The following SNX29 variants were observed in gnomAD, a reference collection of about 807,000 sequenced individuals.
The protein encoded by SNX29 is sorting nexin 29, also known as sorting nexin-29.
Under a neutral mutation model 102.1 loss-of-function variants are expected in SNX29, and 78 were observed. That is an observed-to-expected ratio of 0.76 (90% CI 0.64 to 0.92). The LOEUF (loss-of-function observed/expected upper bound fraction) is 0.92. SNX29 is among the 40% of genes least tolerant of loss of function. The probability of loss-of-function intolerance (pLI) is 0.00; values close to 1 mark genes in which losing one functional copy is unlikely to be tolerated. For synonymous variants in SNX29, 580 were observed against 414.5 expected (o/e 1.40, Z -4.85); for missense variants, 1,280 against 1,061.7 (o/e 1.21, Z -2.86).
At chr16:12,453,034 G>C (rs1011724418) in intron 18 of SNX29, among the ~76,000 whole-genome samples, 12 of 152,184 alleles carry the variant, frequency 7.9e-5, no homozygotes, top group Non-Finnish European at 1.8e-4. Context: ...ATCCCCAGCA[G>C]TAAGACCTGG....
At chr16:12,290,717 G>A (rs930468733) in intron 15 of SNX29, among the ~76,000 whole-genome samples, 1 of 152,182 alleles carries the variant, frequency 6.6e-6, no homozygotes, top group Admixed American at 6.5e-5. Flanking sequence ...TCCTTTATGG[G>A]TAGCTTGGGA....
chr16:12,362,553 TCCCCCC>T (rs1199911670), intron 16 of SNX29, among the ~76,000 whole-genome samples: 1 of 11,058 alleles, frequency 9.0e-5, no homozygotes, highest in African/African-American at 3.0e-4. Context: ...GCTGCTGCAC[TCCCCCC>T]CCACCCCCCC....
intron 15 of SNX29, among the ~76,000 whole-genome samples, chr16:12,354,088 C>T (rs533023081): frequency 3.3e-5 from 5 of 152,202 alleles, no homozygotes; most frequent in Non-Finnish European, 7.3e-5. Context: ...ATTCTCTCTT[C>T]TGAGGCTCTT....
intron 11 of SNX29, among the ~76,000 whole-genome samples, chr16:12,100,129 G>A (rs1185455784): frequency 6.6e-6 from 1 of 152,138 alleles, no homozygotes; most frequent in East Asian, 1.9e-4. Flanking sequence ...TAAACTGTGA[G>A]CCCAATACCT....
At chr16:12,428,596 C>T (rs570421920) in intron 18 of SNX29, among the ~76,000 whole-genome samples, 1 of 152,164 alleles carries the variant, frequency 6.6e-6, no homozygotes, top group East Asian at 1.9e-4. Flanking sequence ...AGTCCCAATA[C>T]ATAGATATTT....
chr16:12,461,654 A>G (rs944302677), intron 18 of SNX29, among the ~76,000 whole-genome samples: 1 of 151,902 alleles, frequency 6.6e-6, no homozygotes, highest in African/African-American at 2.4e-5. Flanking sequence ...TAAATTTTTT[A>G]TGATAGAAAA....
intron 19 of SNX29, among the ~76,000 whole-genome samples, chr16:12,516,139 C>G (rs1056052090): frequency 3.3e-5 from 5 of 152,126 alleles, no homozygotes; most frequent in African/African-American, 1.2e-4. Flanking sequence ...CCTGGTCTGT[C>G]TTTGTGCCCA....
chr16:11,977,977 A>C (rs1037996817), intron 1 of SNX29: 1 of 152,008 alleles, frequency 6.6e-6, no homozygotes, highest in African/African-American at 2.4e-5. Context: ...GTTGTCTTCC[A>C]CTCAGGCATT....
chr16:12,378,927 C>A (rs1363370472), intron 16 of SNX29, among the ~76,000 whole-genome samples: 1 of 152,184 alleles, frequency 6.6e-6, no homozygotes, highest in Non-Finnish European at 1.5e-5. Flanking sequence ...CAGATTCACT[C>A]TGAACCATGT....
intron 19 of SNX29, among the ~76,000 whole-genome samples, chr16:12,512,710 G>A (rs1210449572): frequency 1.3e-5 from 2 of 152,012 alleles, no homozygotes; most frequent in Admixed American, 6.5e-5. Flanking sequence ...ACCATAGACC[G>A]TCCGTGCTTT....
intron 19 of SNX29, among the ~76,000 whole-genome samples, chr16:12,486,206 A>C (rs2088223168): frequency 6.6e-6 from 1 of 151,952 alleles, no homozygotes; most frequent in African/African-American, 2.4e-5. Flanking sequence ...CTGTTCTCAG[A>C]TCTTCCCCCG....
chr16:12,301,606 T>C (rs568838178), intron 15 of SNX29, among the ~76,000 whole-genome samples: 1 of 152,236 alleles, frequency 6.6e-6, no homozygotes. Context: ...GGATCCCCAG[T>C]CTTCTCGATT....
chr16:12,304,181 GT>G (rs527286420), intron 15 of SNX29, among the ~76,000 whole-genome samples: 52 of 141,904 alleles, frequency 3.7e-4, no homozygotes, highest in South Asian at 4.5e-4. Context: ...ACTGTTTTTT[GT>G]TTTTTTTTTT....
intron 7 of SNX29, among the ~76,000 whole-genome samples, chr16:12,048,862 A>G (rs914783809): frequency 7.9e-5 from 12 of 152,118 alleles, no homozygotes; most frequent in Non-Finnish European, 1.3e-4. Context: ...GGAAAGTGAG[A>G]GTGTGAGAGA....
chr16:12,167,689 T>A (rs909021631), intron 13 of SNX29, among the ~76,000 whole-genome samples: 1 of 152,142 alleles, frequency 6.6e-6, no homozygotes, highest in Non-Finnish European at 1.5e-5. Flanking sequence ...ACTGCCCTCT[T>A]AGAGATGTGG....
At chr16:12,309,042 C>G (rs79821250) in intron 15 of SNX29, among the ~76,000 whole-genome samples, 3,707 of 152,292 alleles carry the variant, frequency 0.024, 61 homozygotes, top group Middle Eastern at 0.041. Context: ...GAAAGGTTGT[C>G]TCTCTTTGGG....
chr16:12,341,433 A>G (rs16959253), intron 15 of SNX29, among the ~76,000 whole-genome samples: 5,793 of 152,334 alleles, frequency 0.038, 312 homozygotes, highest in African/African-American at 0.11. Context: ...TGAGAGAGCT[A>G]GGAAGATACA....
At chr16:12,438,424 A>G (rs1415687088) in intron 18 of SNX29, among the ~76,000 whole-genome samples, 1 of 151,046 alleles carries the variant, frequency 6.6e-6, no homozygotes, top group Non-Finnish European at 1.5e-5. Flanking sequence ...CCCCTTCTTC[A>G]TTTACCCGCT....
Position 12,572,761 on chromosome 16 carries a change from AC to A in SNX29, c.*4135del. 3.8e-6 allele frequency: 4 copies of A among 1,063,948 alleles called. No homozygotes were observed. Among genetic ancestry groups the A allele is most frequent in the Non-Finnish European group, 4.6e-6 (4 of 878,440 alleles). The allele number at this position is 1,063,948 out of a possible 1,614,324, so 65.9% of individuals were successfully genotyped here. A position where few individuals can be genotyped will look rare whatever the true frequency, so the allele number is the denominator to read the frequency against. ...AAGGGCTGGGTTTTCAGCTTCTGGG[AC>A]CCGAGGAAGACCCCACCTCACTCCT... On this transcript the variant is annotated 3_prime_UTR_variant, in exon 21 of 21. Coordinates refer to ENST00000566228, the MANE Select transcript of SNX29 (RefSeq NM_032167.5).
Sources: allele counts gnomAD v4.1 joint callset (sites outside exome capture counted in the v4.1 genomes callset), GRCh38; gene constraint gnomAD v4.1.1; transcripts MANE v1.5; gene names NCBI Gene and HGNC (gene_info 2026-07-23, HGNC 2026-07-21).